Variants in IMMP2L observed in about 807,000 individuals in gnomAD.
IMMP2L encodes the protein inner mitochondrial membrane peptidase subunit 2.
A neutral mutation model predicts 19.3 loss-of-function variants in IMMP2L; 18 were observed. The observed-to-expected ratio is 0.93, with a 90% confidence interval of 0.64 to 1.38. IMMP2L has a LOEUF of 1.38. Among genes scored for constraint, IMMP2L ranks in the 40% most tolerant of loss-of-function variants. IMMP2L has a pLI of 0.00. For synonymous variants in IMMP2L, 76 were observed against 73.0 expected (o/e 1.04, Z -0.21); for missense variants, 233 against 218.2 (o/e 1.07, Z -0.43).
chr7:110,887,389 G>GT (rs142772046), intron 4 of IMMP2L, among the ~76,000 whole-genome samples: 5,633 of 152,054 alleles, frequency 0.037, 342 homozygotes, highest in African/African-American at 0.13. Flanking sequence ...ATCTCACGCA[G>GT]TTTTTGTAGC....
intron 3 of IMMP2L, among the ~76,000 whole-genome samples, chr7:111,193,669 T>A (rs987504041): frequency 2.0e-5 from 3 of 152,066 alleles, no homozygotes; most frequent in Non-Finnish European, 4.4e-5. Flanking sequence ...CAGAGGCCAA[T>A]CAGAAAGAGC....
intron 3 of IMMP2L, among the ~76,000 whole-genome samples, chr7:111,436,893 G>C (rs565663430): frequency 5.0e-4 from 76 of 151,828 alleles, no homozygotes; most frequent in South Asian, 5.0e-3. Context: ...TATGGCAAGA[G>C]AGCAAGCAAG....
chr7:111,021,578 C>A (rs904092283), intron 3 of IMMP2L, among the ~76,000 whole-genome samples: 1 of 152,144 alleles, frequency 6.6e-6, no homozygotes, highest in Non-Finnish European at 1.5e-5. Flanking sequence ...CAGGGGAACA[C>A]CTCTTTATAA....
rs957013204 is a variant in IMMP2L, at chr7:110,780,803, C to T, written c.408+105790G>A. On this transcript the variant is annotated intron_variant, in intron 5 of 5. Transcript: ENST00000405709. ...CATTTAACAAAGGAGGGTGCCTTTG[C>T]TACTCTACTTCCCCACAGAACAGGC... Among the ~76,000 whole-genome samples, 4 of 2,978 alleles carry T rather than the reference C, an allele frequency of 1.3e-3. No individual in the cohort carries two copies. The East Asian group carries it at 0.069, about 51-fold the overall frequency. The allele number at this position is 2,978 out of a possible 152,430, so 2.0% of individuals were successfully genotyped here.
intron 3 of IMMP2L, among the ~76,000 whole-genome samples, chr7:111,359,593 T>C (rs1829066433): frequency 6.6e-6 from 1 of 152,020 alleles, no homozygotes; most frequent in Non-Finnish European, 1.5e-5. Flanking sequence ...TAAGTCACCG[T>C]GCCCGGCCTC....
At position 110,757,046 on chromosome 7, in the gene IMMP2L, T is replaced by C. The variant is rs1433837322; in HGVS notation, c.409-93325A>G. 2.6e-5 allele frequency among the ~76,000 whole-genome samples: 4 copies of C among 152,116 alleles called. 1 individual carries two copies. Among genetic ancestry groups the C allele is most frequent in the Non-Finnish European group, 5.9e-5 (4 of 68,012 alleles). On this transcript the variant is annotated intron_variant, in intron 5 of 5. Transcript: ENST00000405709. This position sits in a 1 kb window ranked among gnomAD's most constrained non-coding sequence, Gnocchi z 4.2. ...CAGTATGTAATGAAAGATACTGAAA[T>C]TCCTGCCCTGGGGAGCTTAAATTCA...
intron 5 of IMMP2L, among the ~76,000 whole-genome samples, chr7:110,855,229 A>C (rs1806639757): frequency 6.6e-6 from 1 of 152,046 alleles, no homozygotes; most frequent in Non-Finnish European, 1.5e-5. Flanking sequence ...ACAGAAAAAA[A>C]CAATTAATGG....
At chr7:111,258,138 T>TTAACAC (rs1816930510) in intron 3 of IMMP2L, among the ~76,000 whole-genome samples, 1 of 152,146 alleles carries the variant, frequency 6.6e-6, no homozygotes, top group Non-Finnish European at 1.5e-5. Context: ...CAAAGGTTAA[T>TTAACAC]AAAGAAACTC....
chr7:111,035,866 A>T (rs1791292088), intron 3 of IMMP2L, among the ~76,000 whole-genome samples: 1 of 152,058 alleles, frequency 6.6e-6, no homozygotes, highest in Non-Finnish European at 1.5e-5. Flanking sequence ...CCATCTATAC[A>T]CTGTATAACA....
At chr7:110,681,351 T>G (rs1293855041) in intron 5 of IMMP2L, among the ~76,000 whole-genome samples, 11 of 152,150 alleles carry the variant, frequency 7.2e-5, no homozygotes, top group African/African-American at 2.7e-4. Context: ...CCATGCTTTC[T>G]ACACCTGCTT....
At chr7:111,348,575 G>C (rs1827817400) in intron 3 of IMMP2L, among the ~76,000 whole-genome samples, 1 of 152,066 alleles carries the variant, frequency 6.6e-6, no homozygotes, top group Non-Finnish European at 1.5e-5. Context: ...AACAAATAAA[G>C]AAAACCTGCA....
intron 5 of IMMP2L, among the ~76,000 whole-genome samples, chr7:110,686,868 G>T (rs540585878): frequency 6.6e-6 from 1 of 152,048 alleles, no homozygotes; most frequent in African/African-American, 2.4e-5. Flanking sequence ...CTAAAATTTG[G>T]CTTCAATCAG....
chr7:111,050,967 C>T (rs2129572874), intron 3 of IMMP2L, among the ~76,000 whole-genome samples: 1 of 152,204 alleles, frequency 6.6e-6, no homozygotes, highest in East Asian at 1.9e-4. Flanking sequence ...AATAAAAAAG[C>T]TGACTTAAGA....
chr7:111,412,739 G>A (rs531798285), intron 3 of IMMP2L, among the ~76,000 whole-genome samples: 1 of 151,672 alleles, frequency 6.6e-6, no homozygotes, highest in South Asian at 2.1e-4. Context: ...AAAATATCTG[G>A]GGATGGGAGA....
chr7:110,770,143 A>C (rs763191018), intron 5 of IMMP2L, among the ~76,000 whole-genome samples: 38 of 152,332 alleles, frequency 2.5e-4, no homozygotes, highest in Non-Finnish European at 5.0e-4. Flanking sequence ...AAAATCTAGA[A>C]GATAAACCTA....
At chr7:110,684,189 C>T (rs1792940296) in intron 5 of IMMP2L, among the ~76,000 whole-genome samples, 1 of 152,104 alleles carries the variant, frequency 6.6e-6, no homozygotes, top group African/African-American at 2.4e-5. Flanking sequence ...AGAAATTCCT[C>T]ATGGCTAACT....
intron 3 of IMMP2L, among the ~76,000 whole-genome samples, chr7:111,350,004 A>C (rs753874180): frequency 3.4e-5 from 5 of 147,706 alleles, no homozygotes; most frequent in Non-Finnish European, 7.4e-5. Context: ...TTTAGCTCTT[A>C]TTGCCTAGAC....
chr7:110,686,070 C>T (rs1020761522), intron 5 of IMMP2L, among the ~76,000 whole-genome samples: 19 of 152,092 alleles, frequency 1.2e-4, no homozygotes, highest in African/African-American at 4.1e-4. Context: ...ATTCCTTAAA[C>T]CTTGCTGGCT....
intron 3 of IMMP2L, among the ~76,000 whole-genome samples, chr7:111,302,176 T>C (rs1348317653): frequency 6.6e-6 from 1 of 152,054 alleles, no homozygotes; most frequent in South Asian, 2.1e-4. Flanking sequence ...TTCTCTGTCA[T>C]CAGTTCTCAA....
Sources: allele counts gnomAD v4.1 joint callset (sites outside exome capture counted in the v4.1 genomes callset), GRCh38; gene constraint gnomAD v4.1.1; non-coding constraint Gnocchi (gnomAD v3.1); transcripts MANE v1.5; gene names NCBI Gene and HGNC (gene_info 2026-07-23, HGNC 2026-07-21).